GALNT13: variants seen among roughly 807,000 people sequenced by gnomAD.
The protein encoded by GALNT13 is polypeptide N-acetylgalactosaminyltransferase 13, also known as UDP-GalNAc:polypeptide N-acetylgalactosaminyltransferase 13.
GALNT13 carries 28 observed loss-of-function variants against 64.2 expected under a neutral mutation model. The observed-to-expected ratio is 0.44, with a 90% CI of 0.32 to 0.60. The LOEUF is 0.60. Among genes scored for constraint, GALNT13 ranks in the 20% least tolerant of loss-of-function variants. The pLI is 0.05. For missense variants in GALNT13, 577 were observed against 669.8 expected (o/e 0.86, Z 1.53); for synonymous variants, 214 against 224.6 (o/e 0.95, Z 0.42).
At chr2:154,116,130 G>C (rs1359418224) in intron 3 of GALNT13, among the ~76,000 whole-genome samples, 16 of 152,170 alleles carry the variant, frequency 1.1e-4, no homozygotes, top group Non-Finnish European at 7.3e-5. Context: ...AGGTAGAAAG[G>C]CTGATGGCAG....
chr2:154,442,769 A>C (rs999650842), intron 12 of GALNT13, among the ~76,000 whole-genome samples: 2 of 152,046 alleles, frequency 1.3e-5, no homozygotes, highest in Non-Finnish European at 2.9e-5. Flanking sequence ...GCAGCTACAT[A>C]CAGTGTGAGA....
At chr2:154,102,142 G>A (rs932878774) in intron 3 of GALNT13, among the ~76,000 whole-genome samples, 13 of 152,142 alleles carry the variant, frequency 8.5e-5, no homozygotes, top group Middle Eastern at 6.3e-3. Context: ...CTTTATAAAT[G>A]TCCATTAATT....
intron 4 of GALNT13, among the ~76,000 whole-genome samples, chr2:154,232,773 C>T (rs1478102403): frequency 6.6e-6 from 1 of 151,490 alleles, no homozygotes; most frequent in African/African-American, 2.4e-5. Flanking sequence ...TGGCTCAGGC[C>T]TGTAATACTA....
At chr2:154,237,518 TTA>T (rs10624007) in intron 4 of GALNT13, among the ~76,000 whole-genome samples, 30 of 142,788 alleles carry the variant, frequency 2.1e-4, no homozygotes, top group African/African-American at 7.3e-4. Flanking sequence ...TCTGCCAGCT[TTA>T]TATATATATA....
In GALNT13 at chr2:154,161,769, A is replaced by G. The variant is rs540186146; in HGVS notation, c.311+21264A>G. ...GGAAAAGACAAGGCTGAGCAACATA[A>G]CAAAATCAAGTGTATTTTTTTTTTT... On this transcript the variant is annotated intron_variant, in intron 4 of 12. Transcript: ENST00000392825. 2.0e-5 allele frequency among the ~76,000 whole-genome samples: 3 copies of G among 151,412 alleles called. No homozygotes were observed. The East Asian group carries it at 5.8e-4, about 29-fold the overall frequency.
intron 9 of GALNT13, among the ~76,000 whole-genome samples, chr2:154,312,278 A>G (rs1223621837): frequency 1.3e-5 from 2 of 152,266 alleles, no homozygotes; most frequent in Admixed American, 6.5e-5. Flanking sequence ...CCATGGCTTC[A>G]GCCGGTCCCT....
the GALNT13 span, among the ~76,000 whole-genome samples, chr2:153,624,914 A>G: frequency 6.6e-6 from 1 of 151,850 alleles, no homozygotes; most frequent in African/African-American, 2.4e-5. Flanking sequence ...TGGCTCGGAC[A>G]AAAAAGTTTC....
At chr2:153,912,422 C>A (rs1323377252) in intron 2 of GALNT13, among the ~76,000 whole-genome samples, 1 of 152,098 alleles carries the variant, frequency 6.6e-6, no homozygotes, top group African/African-American at 2.4e-5. Context: ...GCCATCTGAC[C>A]TCAGTTAACA....
the GALNT13 span, among the ~76,000 whole-genome samples, chr2:153,639,711 G>A: frequency 6.6e-6 from 1 of 152,200 alleles, no homozygotes; most frequent in Admixed American, 6.5e-5. Flanking sequence ...CTCCACTTGT[G>A]AGGACTGTAG....
chr2:153,357,698 C>G, the GALNT13 span, among the ~76,000 whole-genome samples: 1 of 152,174 alleles, frequency 6.6e-6, no homozygotes, highest in Non-Finnish European at 1.5e-5. Context: ...AAGCCTAATT[C>G]TCCATCCTCA....
the GALNT13 span, among the ~76,000 whole-genome samples, chr2:153,265,614 A>C: frequency 6.6e-6 from 1 of 152,110 alleles, no homozygotes; most frequent in African/African-American, 2.4e-5. Context: ...CTATTTCTTT[A>C]ATATGTTAAA....
chr2:154,130,986 AT>A lies in GALNT13; in HGVS notation c.143-9343del, dbSNP rs202046850. ...GAATTCATGGTTATTTCAAAAAAAAATTTTTTTTGGCAAAATGGGAAGAATG... is the reference window on the plus strand; with the variant it reads ...GAATTCATGGTTATTTCAAAAAAAAATTTTTTTGGCAAAATGGGAAGAATG... On this transcript the variant is annotated intron_variant, in intron 3 of 12. Coordinates refer to ENST00000392825, the MANE Select transcript of GALNT13 (RefSeq NM_052917.4). Among the ~76,000 whole-genome samples, 695 of 152,052 alleles carry A rather than the reference AT, an allele frequency of 4.6e-3. 5 individuals carry two copies. The highest frequency in any genetic ancestry group is 0.016 in the African/African-American group (652 of 41,478).
chr2:154,064,737 A>G (rs546700097), intron 3 of GALNT13, among the ~76,000 whole-genome samples: 13 of 152,224 alleles, frequency 8.5e-5, no homozygotes, highest in Middle Eastern at 3.4e-3. Context: ...GTAGCCACGT[A>G]ATACACCCAG....
the GALNT13 span, among the ~76,000 whole-genome samples, chr2:153,790,059 G>A: frequency 1.3e-5 from 2 of 152,106 alleles, no homozygotes; most frequent in Non-Finnish European, 2.9e-5. Context: ...TTGATGAGGA[G>A]GGACTGCTTC....
intron 4 of GALNT13, among the ~76,000 whole-genome samples, chr2:154,228,582 T>A (rs1688751257): frequency 6.6e-6 from 1 of 152,190 alleles, no homozygotes; most frequent in Admixed American, 6.6e-5. Flanking sequence ...AGCCAATGAC[T>A]GAGAAGATTA....
At chr2:153,854,712 G>A in the GALNT13 span, among the ~76,000 whole-genome samples, 4 of 152,064 alleles carry the variant, frequency 2.6e-5, no homozygotes, top group African/African-American at 9.7e-5. Context: ...TATGTTAAAA[G>A]AGTCAATATT....
In GALNT13 at chr2:153,879,793, C is replaced by T. The variant is rs146839029; in HGVS notation, c.-177+7490C>T. On this transcript the variant is annotated intron_variant, in intron 1 of 12. Coordinates refer to ENST00000392825, the MANE Select transcript of GALNT13 (RefSeq NM_052917.4). The stretch of plus-strand genomic sequence containing the variant: ...TGAAGGAAGAAAAGCTGATATTTCT[C>T]GAGTTGGAAAATTTTTAAAAAGTTT... 1.2e-3 allele frequency among the ~76,000 whole-genome samples: 175 copies of T among 152,088 alleles called. 1 individual carries two copies. Among genetic ancestry groups the T allele is most frequent in the Non-Finnish European group, 2.1e-3 (144 of 67,982 alleles).
the GALNT13 span, among the ~76,000 whole-genome samples, chr2:153,799,743 C>A: frequency 1.3e-5 from 2 of 152,108 alleles, no homozygotes; most frequent in South Asian, 4.1e-4. Flanking sequence ...AAACAAGTGA[C>A]AAATGGCATT....
the GALNT13 span, among the ~76,000 whole-genome samples, chr2:153,764,865 A>G: frequency 6.6e-6 from 1 of 152,186 alleles, no homozygotes; most frequent in African/African-American, 2.4e-5. Flanking sequence ...AGCCATAGCA[A>G]AAAGGGGCCA....
Sources: gnomAD v4.1 joint callset for allele counts (sites outside exome capture counted in the v4.1 genomes callset) on GRCh38, gnomAD v4.1.1 for gene constraint, MANE v1.5 for transcripts, NCBI Gene and HGNC (gene_info 2026-07-23, HGNC 2026-07-21) for gene names.